Variants in ADAMTS3 observed in about 807,000 individuals in gnomAD.
ADAMTS3 encodes the protein ADAM metallopeptidase with thrombospondin type 1 motif 3.
In ADAMTS3, 73 loss-of-function variants were observed where a neutral mutation model predicts 129.0. The ratio of observed to expected loss-of-function variants is 0.57; its 90% confidence interval spans 0.47 to 0.69. ADAMTS3 has a LOEUF of 0.69. Ranked by LOEUF, ADAMTS3 falls within the 30% of genes least tolerant of loss-of-function variation. The pLI is 0.00. For synonymous variants in ADAMTS3, 477 were observed against 510.8 expected, an observed-to-expected ratio of 0.93 and a Z score of 0.89; for missense variants, 1,457 against 1,514.5, an observed-to-expected ratio of 0.96 and a Z score of 0.63.
At chr4:72,528,273 C>T (rs1166213235) in intron 3 of ADAMTS3, among the ~76,000 whole-genome samples, 1 of 150,922 alleles carries the variant, frequency 6.6e-6, no homozygotes, top group East Asian at 1.9e-4. Context: ...CAGGAGTAAA[C>T]TAATTTAAGA....
intron 3 of ADAMTS3, among the ~76,000 whole-genome samples, chr4:72,456,357 TATAGTATACAA>T (rs1718616746): frequency 6.9e-6 from 1 of 143,994 alleles, no homozygotes; most frequent in Non-Finnish European, 1.5e-5. Flanking sequence ...ATATATAGTA[TATAGTATACAA>T]TATATAGTAT....
At chr4:72,427,779 T>G (rs1722607493) in intron 3 of ADAMTS3, among the ~76,000 whole-genome samples, 1 of 152,062 alleles carries the variant, frequency 6.6e-6, no homozygotes, top group East Asian at 1.9e-4. Flanking sequence ...TGAGGAGTTC[T>G]TCTGCCTTTT....
At chr4:72,494,756 C>A (rs549574993) in intron 3 of ADAMTS3, among the ~76,000 whole-genome samples, 1 of 152,036 alleles carries the variant, frequency 6.6e-6, no homozygotes, top group Non-Finnish European at 1.5e-5. Flanking sequence ...TGTGACAGTG[C>A]CAACTGGGTA....
intron 3 of ADAMTS3, among the ~76,000 whole-genome samples, chr4:72,541,327 C>A (rs1406904663): frequency 6.6e-6 from 1 of 152,188 alleles, no homozygotes. Flanking sequence ...TTACCCAATG[C>A]CTGTACCCAC....
rs531710620 is a variant in ADAMTS3 at position 72,542,352 on chromosome 4, G to T, written c.504+6126C>A. ...GCTAATTTTTTGTATTTATAGTAGA[G>T]ATAGGGTTTCACCACGTTAGCCAGG... On this transcript the variant is annotated intron_variant, in intron 3 of 21. Coordinates refer to ENST00000286657, the MANE Select transcript of ADAMTS3 (RefSeq NM_014243.3). Among the ~76,000 whole-genome samples, 13 of 152,116 alleles carry T rather than the reference G, an allele frequency of 8.5e-5. No homozygotes were observed. The East Asian group carries it at 2.5e-3, about 29-fold the overall frequency.
intron 5 of ADAMTS3, among the ~76,000 whole-genome samples, chr4:72,332,517 T>C (rs1188113549): frequency 6.6e-6 from 1 of 152,174 alleles, no homozygotes; most frequent in Non-Finnish European, 1.5e-5. Flanking sequence ...GACTGTTTCT[T>C]TGTACTGGGA....
chr4:72,347,945 G>C (rs538885153), intron 4 of ADAMTS3, among the ~76,000 whole-genome samples: 1 of 152,112 alleles, frequency 6.6e-6, no homozygotes, highest in African/African-American at 2.4e-5. Flanking sequence ...AGTAAGGATA[G>C]AAAAGCTCTT....
chr4:72,448,780 A>G (rs201887970), intron 3 of ADAMTS3, among the ~76,000 whole-genome samples: 1 of 151,362 alleles, frequency 6.6e-6, no homozygotes, highest in East Asian at 2.0e-4. Context: ...CCCCTTTTCT[A>G]CTCCCTAAAA....
At position 72,568,831 on chromosome 4, in the gene ADAMTS3, C is replaced by CCCCCCCACACAAACAAAAAAAAAAA; in HGVS notation, c.-70_-69insTTTTTTTTTTTGTTTGTGTGGGGGG. ...CCAGAGCAAACCCACCCCCCCCGCCCAAAATAAGTTTCTTTAAGAAAAAAA... is the reference window on the plus strand; with the variant it reads ...CCAGAGCAAACCCACCCCCCCCGCCCCCCCCCACACAAACAAAAAAAAAAAAAAATAAGTTTCTTTAAGAAAAAAA... On this transcript the variant is annotated 5_prime_UTR_variant, in exon 1 of 22. Transcript: ENST00000286657. 8.5e-7 allele frequency: 1 copy of CCCCCCCACACAAACAAAAAAAAAAA among 1,177,372 alleles called. No individual in the cohort carries two copies. Among genetic ancestry groups the CCCCCCCACACAAACAAAAAAAAAAA allele is most frequent in the Non-Finnish European group, 1.2e-6 (1 of 829,352 alleles). The allele number at this position is 1,177,372 out of a possible 1,614,324, so 72.9% of individuals were successfully genotyped here.
rs189359387 is a variant in ADAMTS3 at position 72,384,943 on chromosome 4, C to T, written c.661+29872G>A. ...CAGCACTTTGGGAGGCCAAGGCGGGCGGATCACAAGGTCAGGAGATCGAGA... is the reference window on the plus strand; with the variant it reads ...CAGCACTTTGGGAGGCCAAGGCGGGTGGATCACAAGGTCAGGAGATCGAGA... On this transcript the variant is annotated intron_variant, in intron 4 of 21. Coordinates refer to ENST00000286657, the MANE Select transcript of ADAMTS3 (RefSeq NM_014243.3). 6.4e-3 allele frequency among the ~76,000 whole-genome samples: 980 copies of T among 152,104 alleles called. 4 individuals carry two copies. Among genetic ancestry groups the T allele is most frequent in the African/African-American group, 0.022 (931 of 41,512 alleles).
chr4:72,488,695 A>G (rs7676487), intron 3 of ADAMTS3, among the ~76,000 whole-genome samples: 7,437 of 152,010 alleles, frequency 0.049, 207 homozygotes, highest in African/African-American at 0.071. Flanking sequence ...CATAAAATTT[A>G]ATGATTTGAT....
chr4:72,441,247 T>C (rs1718107841), intron 3 of ADAMTS3, among the ~76,000 whole-genome samples: 1 of 151,806 alleles, frequency 6.6e-6, no homozygotes, highest in African/African-American at 2.4e-5. Context: ...CAGTAGTTTC[T>C]TCTTTTTATT....
At chr4:72,492,224 AT>A (rs1008954564) in intron 3 of ADAMTS3, among the ~76,000 whole-genome samples, 58 of 150,112 alleles carry the variant, frequency 3.9e-4, no homozygotes, top group African/African-American at 1.4e-3. Context: ...AGCTTTGCTG[AT>A]TTTTTTCTGT....
At chr4:72,362,407 A>G (rs1720752790) in intron 4 of ADAMTS3, among the ~76,000 whole-genome samples, 1 of 152,166 alleles carries the variant, frequency 6.6e-6, no homozygotes, top group Admixed American at 6.6e-5. Flanking sequence ...CTGTTCAAAC[A>G]AAGAGACTAT....
At chr4:72,291,177 C>A (rs969241208) in intron 19 of ADAMTS3, 115 bp from the exon 20 acceptor site, 3 of 1,010,944 alleles carry the variant, frequency 3.0e-6, no homozygotes, top group Admixed American at 5.0e-5. Context: ...CTAGTGGGCA[C>A]ACTGCAGTTC....
intron 18 of ADAMTS3, among the ~76,000 whole-genome samples, chr4:72,297,075 G>A (rs1351237540): frequency 1.3e-5 from 2 of 152,076 alleles, no homozygotes; most frequent in African/African-American, 4.8e-5. Flanking sequence ...AAGACTGAAG[G>A]ATTTTAATCT....
At chr4:72,287,461 G>C (rs1718536329) in intron 21 of ADAMTS3, among the ~76,000 whole-genome samples, 2 of 150,928 alleles carry the variant, frequency 1.3e-5, no homozygotes, top group African/African-American at 4.9e-5. Flanking sequence ...CCGAGAAAGA[G>C]AAAATGGGAG....
intron 4 of ADAMTS3, among the ~76,000 whole-genome samples, chr4:72,354,207 A>G (rs1433771158): frequency 2.6e-5 from 4 of 151,910 alleles, no homozygotes. Context: ...AAGCACATTT[A>G]TCTTCATCTG....
At chr4:72,337,522 GA>G (rs1451513229) in intron 5 of ADAMTS3, among the ~76,000 whole-genome samples, 1 of 152,072 alleles carries the variant, frequency 6.6e-6, no homozygotes, top group African/African-American at 2.4e-5. Context: ...ACTTCTTGAT[GA>G]ATTACATAAC....
Sources: allele counts gnomAD v4.1 joint callset (sites outside exome capture counted in the v4.1 genomes callset), GRCh38; gene constraint gnomAD v4.1.1; transcripts MANE v1.5; gene names NCBI Gene and HGNC (gene_info 2026-07-23, HGNC 2026-07-21).